The following CRACD variants were observed in gnomAD, a reference collection of about 807,000 sequenced individuals.
The protein encoded by CRACD is capping protein inhibiting regulator of actin dynamics.
A neutral mutation model predicts 106.8 loss-of-function variants in CRACD; 56 were observed. The ratio of observed to expected loss-of-function variants is 0.52; its 90% CI spans 0.42 to 0.66. The LOEUF (loss-of-function observed/expected upper bound fraction) is 0.66, where lower values mean the gene tolerates loss of function less well. CRACD is among the 30% of genes least tolerant of loss of function. CRACD has a pLI of 0.00. For synonymous variants in CRACD, 754 were observed against 670.8 expected, an observed-to-expected ratio of 1.12 and a Z score of -1.92; for missense variants, 1,730 against 1,623.2, an observed-to-expected ratio of 1.07 and a Z score of -1.13.
chr4:56,153,063 A>G (rs10015985), intron 1 of CRACD, among the ~76,000 whole-genome samples: 64,502 of 151,752 alleles, frequency 0.43, 14,140 homozygotes, highest in African/African-American at 0.52. Context: ...CGGATCACCT[A>G]AGGTCAGGAG....
At chr4:56,079,821 G>A (rs1330879924) in intron 1 of CRACD, among the ~76,000 whole-genome samples, 1 of 152,076 alleles carries the variant, frequency 6.6e-6, no homozygotes, top group Non-Finnish European at 1.5e-5. Context: ...CCGTGCAGTA[G>A]CAGATCTGTC....
intron 1 of CRACD, among the ~76,000 whole-genome samples, chr4:56,089,959 G>A (rs1384093652): frequency 6.6e-6 from 1 of 152,004 alleles, no homozygotes; most frequent in African/African-American, 2.4e-5. Flanking sequence ...GTATTACATT[G>A]ACTGTATAGT....
At chr4:56,201,459 G>A (rs2109474264) in intron 2 of CRACD, among the ~76,000 whole-genome samples, 1 of 152,204 alleles carries the variant, frequency 6.6e-6, no homozygotes, top group East Asian at 1.9e-4. Flanking sequence ...TTAAACTGAG[G>A]GCAAACTTGG....
rs1423715108 is a variant in CRACD at position 56,226,874 on chromosome 4, CTG to C, written c.-188-45445_-188-45444del. Reference sequence around the variant, plus strand: ...TGTGTCTCTTTCTCTCTCTCTCTCTCTGTCTCTCTCTCTCTCTCTCCCTTCCT... The same window carrying C: ...TGTGTCTCTTTCTCTCTCTCTCTCTCTCTCTCTCTCTCTCTCTCCCTTCCT... On this transcript the variant is annotated intron_variant, in intron 2 of 10. Transcript: ENST00000682029. Among the ~76,000 whole-genome samples, 8 of 107,966 alleles carry C rather than the reference CTG, an allele frequency of 7.4e-5. 1 individual carries two copies. Among genetic ancestry groups the C allele is most frequent in the Middle Eastern group, 4.2e-3 (1 of 238 alleles). The allele number at this position is 107,966 out of a possible 152,430, so 70.8% of individuals were successfully genotyped here.
chr4:56,256,984 C>T (rs1301310320), intron 2 of CRACD, among the ~76,000 whole-genome samples: 1 of 151,694 alleles, frequency 6.6e-6, no homozygotes, highest in Admixed American at 6.6e-5. Context: ...ACTGATGGAA[C>T]AGACTCTTTG....
At chr4:56,279,256 G>A (rs1022774354) in intron 3 of CRACD, among the ~76,000 whole-genome samples, 12 of 152,160 alleles carry the variant, frequency 7.9e-5, no homozygotes, top group South Asian at 6.2e-4. Context: ...CTTCTGCGTC[G>A]CTCATGCCGG....
chr4:56,074,267 T>A (rs1464243467), intron 1 of CRACD, among the ~76,000 whole-genome samples: 3 of 152,228 alleles, frequency 2.0e-5, no homozygotes, highest in African/African-American at 7.2e-5. Context: ...ATCTATAAAT[T>A]ACTTTGGGCA....
intron 10 of CRACD, among the ~76,000 whole-genome samples, chr4:56,326,332 A>C (rs1746449100): frequency 6.6e-6 from 1 of 152,220 alleles, no homozygotes; most frequent in Non-Finnish European, 1.5e-5. Flanking sequence ...TAGAACCAGA[A>C]AGAGAAAGAG....
At chr4:56,109,291 G>C (rs759700316) in intron 1 of CRACD, among the ~76,000 whole-genome samples, 2 of 152,184 alleles carry the variant, frequency 1.3e-5, no homozygotes, top group Non-Finnish European at 2.9e-5. Flanking sequence ...ACTAATGGTT[G>C]ATAATTGTCC....
At chr4:56,301,087 C>A in intron 4 of CRACD, 1 of 472,182 alleles carries the variant, frequency 2.1e-6, no homozygotes, top group Non-Finnish European at 3.5e-6. Flanking sequence ...TGTAGTTATA[C>A]TTTTGAAAAC....
chr4:56,065,088 T>A (rs1378259567), intron 1 of CRACD, among the ~76,000 whole-genome samples: 1 of 151,328 alleles, frequency 6.6e-6, no homozygotes, highest in African/African-American at 2.4e-5. Flanking sequence ...CTTTTTTAAA[T>A]TTTTTTATTT....
At chr4:56,087,221 C>T (rs1733259076) in intron 1 of CRACD, among the ~76,000 whole-genome samples, 1 of 152,134 alleles carries the variant, frequency 6.6e-6, no homozygotes, top group Admixed American at 6.5e-5. Flanking sequence ...CCATGTTGGC[C>T]AGGCTGATCT....
chr4:56,312,581 G>A (rs1026654991), intron 6 of CRACD, among the ~76,000 whole-genome samples: 5 of 152,092 alleles, frequency 3.3e-5, no homozygotes, highest in South Asian at 2.1e-4. Flanking sequence ...GGTTTGCTAC[G>A]TGGGTGTAAA....
At chr4:56,102,833 C>T (rs1352664546) in intron 1 of CRACD, among the ~76,000 whole-genome samples, 1 of 152,214 alleles carries the variant, frequency 6.6e-6, no homozygotes, top group African/African-American at 2.4e-5. Flanking sequence ...CCTTTCTCAA[C>T]AGGCACTGAC....
intron 1 of CRACD, among the ~76,000 whole-genome samples, chr4:56,142,509 C>CT (rs1469179096): frequency 6.6e-6 from 1 of 151,938 alleles, no homozygotes; most frequent in African/African-American, 2.4e-5. Flanking sequence ...ATCCTTTTTT[C>CT]TTTTTACTTT....
intron 3 of CRACD, among the ~76,000 whole-genome samples, chr4:56,282,706 A>T (rs1743100218): frequency 6.6e-6 from 1 of 152,214 alleles, no homozygotes; most frequent in Non-Finnish European, 1.5e-5. Context: ...TAGTCATCAC[A>T]AGATGGCTGT....
At chr4:56,172,020 C>CTTTTTTTTTTTT (rs35574683) in intron 1 of CRACD, among the ~76,000 whole-genome samples, 15,126 of 104,306 alleles carry the variant, frequency 0.15, 2,267 homozygotes, top group Non-Finnish European at 0.18. Context: ...GAGGGTTTCT[C>CTTTTTTTTTTTT]TTTTTTTTTT....
At chr4:56,222,488 A>G (rs1448999288) in intron 2 of CRACD, among the ~76,000 whole-genome samples, 2 of 152,210 alleles carry the variant, frequency 1.3e-5, no homozygotes, top group Non-Finnish European at 1.5e-5. Flanking sequence ...ATTCACCACT[A>G]TATAATACAT....
In CRACD at chr4:56,330,199, T is replaced by C. The variant is rs1241718594; in HGVS notation, c.*2395T>C. 3.3e-5 allele frequency among the ~76,000 whole-genome samples: 5 copies of C among 152,122 alleles called. No individual in the cohort carries two copies. The highest frequency in any genetic ancestry group is 6.5e-5 in the Admixed American group (1 of 15,272). ...CTATGTTAAATGCAAACTTTTTTTT[T>C]TTTTTATTTAAACAAACATACACTT... is the stretch of plus-strand genomic sequence containing the variant. On this transcript the variant is annotated 3_prime_UTR_variant, in exon 11 of 11. Transcript: ENST00000682029.
Sources: allele counts gnomAD v4.1 joint callset (sites outside exome capture counted in the v4.1 genomes callset), GRCh38; gene constraint gnomAD v4.1.1; transcripts MANE v1.5; gene names NCBI Gene and HGNC (gene_info 2026-07-23, HGNC 2026-07-21).